SLC25A29: variants seen among roughly 807,000 people sequenced by gnomAD.
SLC25A29 encodes the protein solute carrier family 25 member 29.
In SLC25A29, 13 loss-of-function variants were observed where a neutral mutation model predicts 10.0. The observed-to-expected ratio is 1.30, with a 90% CI of 0.85 to 2.07. The LOEUF is 2.07. Ranked by LOEUF, SLC25A29 falls within the 30% of genes most tolerant of loss-of-function variation. The probability of loss-of-function intolerance (pLI) is 0.00; values close to 1 mark genes in which losing one functional copy is unlikely to be tolerated. For synonymous variants in SLC25A29, 244 were observed against 221.1 expected, an observed-to-expected ratio of 1.10 and a Z score of -0.92; for missense variants, 475 against 447.6, an observed-to-expected ratio of 1.06 and a Z score of -0.55.
downstream of SLC25A29, among the ~76,000 whole-genome samples, chr14:100,288,683 C>T (rs1566788657): frequency 1.3e-5 from 2 of 151,406 alleles, no homozygotes; most frequent in Non-Finnish European, 2.9e-5. Flanking sequence ...CGCTGCTGCT[C>T]TTCCTCTAGG....
intron 1 of SLC25A29, among the ~76,000 whole-genome samples, chr14:100,304,650 T>A (rs1892793110): frequency 6.6e-6 from 1 of 151,906 alleles, no homozygotes; most frequent in Non-Finnish European, 1.5e-5. Context: ...GCAGGGGGCA[T>A]GGATATGATC....
rs1891887022 is a variant in SLC25A29, at chr14:100,293,177, T to G, written c.162+117A>C. 7 of 1,464,516 alleles carry G rather than the reference T, an allele frequency of 4.8e-6. No homozygotes were observed. The South Asian group carries it at 7.7e-5, about 16-fold the overall frequency. The allele number at this position is 1,464,516 out of a possible 1,614,324, so 90.7% of individuals were successfully genotyped here. ...ATTTCGTTAGAACCTAGGTCCTGACTGGCCTCCTGGTCGTCCTGACACCTT... is the reference window on the plus strand; with the variant it reads ...ATTTCGTTAGAACCTAGGTCCTGACGGGCCTCCTGGTCGTCCTGACACCTT... On this transcript the variant is annotated intron_variant, in intron 3 of 3. Transcript: ENST00000359232.
intron 1 of SLC25A29, among the ~76,000 whole-genome samples, chr14:100,304,080 C>T (rs1173641331): frequency 6.6e-6 from 1 of 152,164 alleles, no homozygotes; most frequent in Non-Finnish European, 1.5e-5. Context: ...AGTTAAAACA[C>T]GTGACCCACA....
At chr14:100,296,331 C>T (rs1391167913) in intron 2 of SLC25A29, 4 of 262,220 alleles carry the variant, frequency 1.5e-5, no homozygotes, top group Non-Finnish European at 3.0e-5. Flanking sequence ...TGAGAGGCTG[C>T]GGTGGGAGGA....
At position 100,291,845 on chromosome 14, in the gene SLC25A29, C is replaced by CCG. The variant is rs945253478; in HGVS notation, c.*437_*438insCG. ...CCAGAGGGGTGGCCCACCACCCCCC[C>CCG]GGGTGGAGGATGTGTGGAGTTAGAG... On this transcript the variant is annotated 3_prime_UTR_variant, in exon 4 of 4. Transcript: ENST00000359232. 4 of 242,170 alleles carry CCG rather than the reference C, an allele frequency of 1.7e-5. No individual in the cohort carries two copies. The highest frequency in any genetic ancestry group is 8.8e-5 in the South Asian group (2 of 22,782). 15.0% of individuals were successfully genotyped at this position (242,170 alleles called of 1,614,324 possible).
chr14:100,305,928 GGCCTCCGCTCAGCCACGGTGCT>G (rs1183396965), intron 1 of SLC25A29: 1 of 373,416 alleles, frequency 2.7e-6, no homozygotes, highest in South Asian at 9.6e-5. Context: ...CGGCAGTCCT[GGCCTCCGCTCAGCCACGGTGCT>G]GCCCCGGCGC....
At chr14:100,284,285 T>C in the SLC25A29 span, among the ~76,000 whole-genome samples, 3 of 152,146 alleles carry the variant, frequency 2.0e-5, no homozygotes, top group Admixed American at 6.5e-5. Context: ...CCCTTGTTTA[T>C]GGAGCAGTGC....
chr14:100,284,614 C>G, the SLC25A29 span, among the ~76,000 whole-genome samples: 1 of 152,216 alleles, frequency 6.6e-6, no homozygotes, highest in Non-Finnish European at 1.5e-5. Context: ...GTTTCCAAAG[C>G]TTACCTCTCC....
chr14:100,280,308 T>C, the SLC25A29 span: 1 of 152,242 alleles, frequency 6.6e-6, no homozygotes, highest in East Asian at 1.9e-4. Flanking sequence ...GTAATACTGA[T>C]AGACATATTT....
intron 1 of SLC25A29, 96 bp downstream of exon 1, chr14:100,306,103 C>T: frequency 1.1e-6 from 1 of 945,546 alleles, no homozygotes; most frequent in Non-Finnish European, 1.4e-6. Flanking sequence ...CGGCGACCCC[C>T]GCCAGCGGGA....
downstream of SLC25A29, among the ~76,000 whole-genome samples, chr14:100,287,540 G>A (rs954921786): frequency 1.3e-4 from 20 of 151,100 alleles, no homozygotes; most frequent in Non-Finnish European, 2.2e-4. Flanking sequence ...ACATAGTTTC[G>A]CCTCCCTTGA....
At chr14:100,293,725 T>C (rs982442367) in intron 2 of SLC25A29, 7 of 245,026 alleles carry the variant, frequency 2.9e-5, no homozygotes, top group Non-Finnish European at 5.6e-5. Flanking sequence ...CAGGTGATGC[T>C]TGTCATACTG....
chr14:100,286,264 T>TAG (rs1437719004), downstream of SLC25A29, among the ~76,000 whole-genome samples: 1 of 151,876 alleles, frequency 6.6e-6, no homozygotes, highest in Non-Finnish European at 1.5e-5. Flanking sequence ...GGAGCTAAGG[T>TAG]AGAGGTTGGG....
At chr14:100,288,203 G>A (rs571617897), downstream of SLC25A29, among the ~76,000 whole-genome samples, 129 of 152,046 alleles carry the variant, frequency 8.5e-4, no homozygotes, top group Middle Eastern at 3.4e-3. Context: ...CCAACGTGGT[G>A]AAACCCCATC....
intron 1 of SLC25A29, chr14:100,299,873 A>G (rs1192899638): frequency 8.1e-6 from 8 of 985,460 alleles, no homozygotes; most frequent in Non-Finnish European, 7.2e-6. Context: ...ACAAACTAAC[A>G]TTACGACCCA....
intron 2 of SLC25A29, chr14:100,294,113 TA>T (rs1258996168): frequency 6.6e-6 from 1 of 152,110 alleles, no homozygotes; most frequent in Non-Finnish European, 1.5e-5. Flanking sequence ...TCTCAATAAA[TA>T]AATAAATAAA....
intron 1 of SLC25A29, among the ~76,000 whole-genome samples, chr14:100,302,044 G>A (rs1892593438): frequency 1.4e-5 from 2 of 143,048 alleles, no homozygotes; most frequent in Admixed American, 7.0e-5. Context: ...TTTCATTAGA[G>A]CCTTTCTTTT....
chr14:100,300,405 C>G (rs1892464707), intron 1 of SLC25A29, among the ~76,000 whole-genome samples: 2 of 152,142 alleles, frequency 1.3e-5, no homozygotes, highest in Admixed American at 1.3e-4. Flanking sequence ...TTTTTTGAGA[C>G]AAGATCTCAC....
chr14:100,285,374 G>C, the SLC25A29 span, among the ~76,000 whole-genome samples: 1 of 151,080 alleles, frequency 6.6e-6, no homozygotes, highest in Admixed American at 6.6e-5. Flanking sequence ...TTCTAGACCT[G>C]CGCCTGGGCC....
Sources: gnomAD v4.1 joint callset for allele counts (sites outside exome capture counted in the v4.1 genomes callset) on GRCh38, gnomAD v4.1.1 for gene constraint, MANE v1.5 for transcripts, NCBI Gene and HGNC (gene_info 2026-07-23, HGNC 2026-07-21) for gene names.